ANO7: variants seen among roughly 807,000 people sequenced by gnomAD.
ANO7 encodes anoctamin 7.
A neutral mutation model predicts 115.8 loss-of-function variants in ANO7; 114 were observed. The ratio of observed to expected loss-of-function variants is 0.98; its 90% CI spans 0.85 to 1.15. ANO7 has a LOEUF of 1.15. Among genes scored for constraint, ANO7 ranks in the 50% most tolerant of loss-of-function variants. The probability of loss-of-function intolerance (pLI) is 0.00; values close to 1 mark genes in which losing one functional copy is unlikely to be tolerated. For synonymous variants in ANO7, 550 were observed against 498.2 expected, an observed-to-expected ratio of 1.10 and a Z score of -1.38; for missense variants, 1,302 against 1,201.2, an observed-to-expected ratio of 1.08 and a Z score of -1.24.
At chr2:241,215,620 A>T (rs2068812536) in intron 18 of ANO7, among the ~76,000 whole-genome samples, 1 of 152,236 alleles carries the variant, frequency 6.6e-6, no homozygotes, top group African/African-American at 2.4e-5. Context: ...TGCAGGGTGG[A>T]GCTCTGTGCC....
In ANO7 at chr2:241,200,163, G is replaced by A; in HGVS notation, c.492G>A (p.Glu164=). The A allele has an allele frequency of 6.2e-7, 1 of 1,613,216 alleles. No homozygotes were observed. The highest frequency in any genetic ancestry group is 8.5e-7 in the Non-Finnish European group (1 of 1,179,998). Residue 164 remains glutamate (E), a synonymous_variant, in exon 6 of 25, where the codon GAG becomes GAA. Coordinates refer to ENST00000674324, the MANE Select transcript of ANO7 (RefSeq NM_001370694.2). The part of the protein sequence containing the change: ...AWLGIPNVLL[E]VVPDVPPEYY... ...TGGGCATCCCCAACGTCCTGCTGGA[G>A]GTTGTGCCAGACGTACCCCCCGAGT...
In ANO7 at chr2:241,218,293, AC is replaced by A; in HGVS notation, c.2236del (p.Arg746AlafsTer84). On this transcript the variant is annotated frameshift_variant, in exon 21 of 25. Transcript: ENST00000674324. LOFTEE classifies it high-confidence loss of function. ...CCTGCCGCGCGCCTACTACCGGTGG[AC>A]CCGCGCCCACGACCTGCGCGGCTTC... ...DFLPRAYYRW[T>X]RAHDLRGFLN... 1 of 1,534,856 alleles carries A rather than the reference AC, an allele frequency of 6.5e-7. No individual in the cohort carries two copies. Among genetic ancestry groups the A allele is most frequent in the East Asian group, 2.7e-5 (1 of 37,380 alleles).
chr2:241,210,583 A>G lies in ANO7; in HGVS notation c.1561+13A>G. ...CTGACACGATGGGGTGAGTGGGCTG[A>G]GGCCGGCCAGGCACTGACCAGGGGC... On this transcript the variant is annotated intron_variant, in intron 15 of 24. Transcript: ENST00000674324. 3.7e-6 allele frequency: 6 copies of G among 1,610,658 alleles called. No homozygotes were observed. The highest frequency in any genetic ancestry group is 5.1e-6 in the Non-Finnish European group (6 of 1,177,788).
intron 4 of ANO7, among the ~76,000 whole-genome samples, chr2:241,198,440 C>G (rs1342475668): frequency 6.6e-6 from 1 of 152,220 alleles, no homozygotes; most frequent in Non-Finnish European, 1.5e-5. Flanking sequence ...TTTTCAAGGT[C>G]ATCATCCAGA....
intron 9 of ANO7, 106 bp from the exon 10 acceptor site, chr2:241,204,759 C>A: frequency 1.3e-6 from 1 of 782,490 alleles, no homozygotes; most frequent in Non-Finnish European, 2.1e-6. Context: ...AGCCCCCAAG[C>A]TGGGCTGAGG....
intron 17 of ANO7, 72 bp downstream of exon 17, chr2:241,212,698 G>T: frequency 6.7e-7 from 1 of 1,488,826 alleles, no homozygotes; most frequent in South Asian, 1.3e-5. Flanking sequence ...TTCCATTCGA[G>T]CTTTGATTTG....
chr2:241,210,602 C>T (rs780850392), intron 15 of ANO7, 32 bp downstream of exon 15: 6 of 1,591,296 alleles, frequency 3.8e-6, no homozygotes, highest in Admixed American at 1.7e-5. Context: ...AGGCACTGAC[C>T]AGGGGCCCAC....
the ANO7 span, chr2:241,235,103 C>T: frequency 1.4e-5 from 22 of 1,609,960 alleles, no homozygotes; most frequent in Admixed American, 1.2e-4. Context: ...GGCAGTGCCC[C>T]GGCCACCTCC....
the ANO7 span, among the ~76,000 whole-genome samples, chr2:241,234,702 G>A: frequency 1.3e-5 from 2 of 152,186 alleles, no homozygotes; most frequent in East Asian, 1.9e-4. Flanking sequence ...CCAGAGGTTG[G>A]GGGGGTTTCA....
chr2:241,229,739 G>A (rs1013364229), downstream of ANO7: 19 of 1,611,106 alleles, frequency 1.2e-5, no homozygotes, highest in Non-Finnish European at 1.6e-5. Flanking sequence ...CAACTCGCAA[G>A]CAGCTTCCGA....
At chr2:241,191,113 T>C (rs2068191285) in intron 2 of ANO7, 81 bp from the exon 3 acceptor site, 1 of 1,530,778 alleles carries the variant, frequency 6.5e-7, no homozygotes, top group Non-Finnish European at 9.0e-7. Flanking sequence ...CGAGGACGGC[T>C]TCAGGGTGGG....
chr2:241,235,766 G>T, the ANO7 span: 94 of 578,180 alleles, frequency 1.6e-4, no homozygotes, highest in Non-Finnish European at 2.6e-4. Context: ...AATAGGAAAA[G>T]ATTTGCATTA....
the ANO7 span, among the ~76,000 whole-genome samples, chr2:241,238,056 C>T: frequency 2.6e-5 from 4 of 152,348 alleles, no homozygotes; most frequent in Non-Finnish European, 5.9e-5. This position sits in a 1 kb window ranked among gnomAD's most constrained non-coding sequence, Gnocchi z 4.9. Flanking sequence ...CATCTGATAA[C>T]ACAGAGTGGA....
At chr2:241,239,267 T>C in the ANO7 span, among the ~76,000 whole-genome samples, 3 of 152,224 alleles carry the variant, frequency 2.0e-5, no homozygotes, top group African/African-American at 4.8e-5. The surrounding 1 kb of genome is among the most constrained non-coding windows in gnomAD (Gnocchi z 4.6). Flanking sequence ...GCTGACCCCT[T>C]AGACTGCATT....
intron 3 of ANO7, among the ~76,000 whole-genome samples, chr2:241,191,759 C>T (rs533110744): frequency 6.6e-6 from 1 of 151,394 alleles, no homozygotes; most frequent in East Asian, 1.9e-4. Flanking sequence ...CCTCCTCCCA[C>T]TAGGATGGCT....
At chr2:241,210,074 G>C (rs1213028780) in intron 13 of ANO7, among the ~76,000 whole-genome samples, 1 of 152,220 alleles carries the variant, frequency 6.6e-6, no homozygotes, top group African/African-American at 2.4e-5. Context: ...ACCCAGATGT[G>C]GCCCAGCCTC....
intron 5 of ANO7, 83 bp downstream of exon 5, chr2:241,199,506 C>T: frequency 1.4e-6 from 2 of 1,394,386 alleles, no homozygotes; most frequent in Non-Finnish European, 1.0e-6. Context: ...CCGACAGCCT[C>T]AGGAGGGCTC....
At chr2:241,237,845 TA>T in the ANO7 span, among the ~76,000 whole-genome samples, 1 of 152,246 alleles carries the variant, frequency 6.6e-6, no homozygotes, top group Non-Finnish European at 1.5e-5. Flanking sequence ...GTGTAAAACA[TA>T]GACAGAGTGC....
At chr2:241,236,410 C>T in the ANO7 span, 13 of 597,988 alleles carry the variant, frequency 2.2e-5, no homozygotes, top group South Asian at 4.0e-5. Context: ...TATAGAACCC[C>T]GAGCCTTGGT....
Sources: allele counts gnomAD v4.1 joint callset (sites outside exome capture counted in the v4.1 genomes callset), GRCh38; gene constraint gnomAD v4.1.1; non-coding constraint Gnocchi (gnomAD v3.1); transcripts MANE v1.5; gene names NCBI Gene and HGNC (gene_info 2026-07-23, HGNC 2026-07-21).